Variants in FILIP1L observed in about 807,000 individuals in gnomAD.
FILIP1L encodes filamin A-interacting protein 1-like.
FILIP1L carries 55 observed loss-of-function variants against 96.6 expected under a neutral mutation model. That is an observed-to-expected ratio of 0.57 (90% CI 0.46 to 0.71). The LOEUF (loss-of-function observed/expected upper bound fraction) is 0.71. FILIP1L is among the 30% of genes least tolerant of loss of function. The pLI is 0.00. For missense variants in FILIP1L, 1,304 were observed against 1,321.2 expected (o/e 0.99, Z 0.20); for synonymous variants, 467 against 473.9 (o/e 0.99, Z 0.19).
intron 1 of FILIP1L, chr3:100,041,307 G>A (rs1274067791): frequency 6.6e-6 from 1 of 152,082 alleles, no homozygotes; most frequent in Admixed American, 6.6e-5. Flanking sequence ...GCAAAATTAT[G>A]ATGGAAACTC....
rs776850792 is a variant in FILIP1L at position 99,850,243 on chromosome 3, C to T, written c.1433G>A (p.Arg478Gln). Residue 478 changes from arginine to glutamine, a missense_variant, in exon 5 of 6, where the codon CGG (arginine) becomes CAG (glutamine). Arg to Gln is a conservative substitution (Grantham distance 43). Coordinates refer to ENST00000477258, the MANE Select transcript of FILIP1L (RefSeq NM_001387850.1). ...RIKELEAIES[R>Q]LEKTEFTLKE... Reference sequence around the variant, plus strand: ...TAGAGTGAATTCTGTCTTTTCTAGCCGACTTTCAATGGCTTCTAGCTCTTT... The same window carrying T: ...TAGAGTGAATTCTGTCTTTTCTAGCTGACTTTCAATGGCTTCTAGCTCTTT... The T allele has an allele frequency of 3.2e-5, 51 of 1,613,536 alleles. No homozygotes were observed. The highest frequency in any genetic ancestry group is 1.6e-4 in the Middle Eastern group (1 of 6,084).
At position 100,098,729 on chromosome 3, in the gene FILIP1L, G is replaced by A. The variant is rs74566331; in HGVS notation, c.-11+15324C>T. 4.4e-3 allele frequency among the ~76,000 whole-genome samples: 671 copies of A among 152,254 alleles called. 4 individuals are homozygous for A. The highest frequency in any genetic ancestry group is 6.5e-3 in the Non-Finnish European group (444 of 68,014). On this transcript the variant is annotated intron_variant, in intron 1 of 5. Coordinates refer to ENST00000477258, the MANE Select transcript of FILIP1L (RefSeq NM_001387850.1). ...CTGAAGAATGTTGAATGTCATTGCC[G>A]TATACAGAGGTGGAAACTCACCATG...
chr3:99,919,172 T>C (rs1345565607), intron 4 of FILIP1L, among the ~76,000 whole-genome samples: 1 of 152,168 alleles, frequency 6.6e-6, no homozygotes, highest in Non-Finnish European at 1.5e-5. Context: ...TATTGAATTC[T>C]CTAGTAAAAT....
chr3:99,870,848 C>A (rs1465119957), intron 4 of FILIP1L, among the ~76,000 whole-genome samples: 1 of 152,092 alleles, frequency 6.6e-6, no homozygotes. Flanking sequence ...CATTTGTGCC[C>A]CGTAAGTGCA....
chr3:99,952,615 A>G (rs1708209618), intron 1 of FILIP1L, among the ~76,000 whole-genome samples: 1 of 152,212 alleles, frequency 6.6e-6, no homozygotes, highest in African/African-American at 2.4e-5. Flanking sequence ...AGGCATAGAT[A>G]CACGGCTTTT....
chr3:99,985,424 T>A (rs1709309462), intron 1 of FILIP1L, among the ~76,000 whole-genome samples: 1 of 151,644 alleles, frequency 6.6e-6, no homozygotes, highest in Admixed American at 6.6e-5. Context: ...ACTGGGGAGG[T>A]TGAGGTGGGA....
chr3:100,006,813 A>G (rs1281328016), intron 1 of FILIP1L, among the ~76,000 whole-genome samples: 1 of 152,248 alleles, frequency 6.6e-6, no homozygotes, highest in Non-Finnish European at 1.5e-5. Context: ...AAAGTAAACA[A>G]GCATTCTTGA....
intron 1 of FILIP1L, among the ~76,000 whole-genome samples, chr3:100,076,985 T>A (rs569299229): frequency 2.9e-4 from 44 of 152,196 alleles, no homozygotes; most frequent in Non-Finnish European, 5.4e-4. Context: ...CTGTTCCACA[T>A]AAGAAATCAA....
chr3:99,928,676 G>A (rs950376422), intron 3 of FILIP1L, among the ~76,000 whole-genome samples: 4 of 152,186 alleles, frequency 2.6e-5, no homozygotes, highest in Admixed American at 1.3e-4. Context: ...GAGAGGTTAT[G>A]CCATTTGTAG....
intron 1 of FILIP1L, among the ~76,000 whole-genome samples, chr3:99,984,351 A>G (rs992965352): frequency 2.0e-5 from 3 of 152,160 alleles, no homozygotes; most frequent in South Asian, 2.1e-4. Context: ...CACATAATAT[A>G]TTTTTAGGAT....
chr3:100,033,205 A>G (rs2107266196), intron 1 of FILIP1L, among the ~76,000 whole-genome samples: 1 of 152,254 alleles, frequency 6.6e-6, no homozygotes, highest in Non-Finnish European at 1.5e-5. Flanking sequence ...AATCAAACTA[A>G]TTGTGCCTTG....
chr3:100,038,822 G>A (rs969634604), intron 1 of FILIP1L, among the ~76,000 whole-genome samples: 1 of 152,080 alleles, frequency 6.6e-6, no homozygotes, highest in African/African-American at 2.4e-5. Flanking sequence ...TACTGATACA[G>A]CAGGATCTCC....
At position 100,114,480 on chromosome 3, in the gene FILIP1L, C is replaced by T. The variant is rs1250869085; in HGVS notation, c.-438G>A. ...GCAGACAAGTAGAGGCAGGCACAGGCTCCGTGAGCACGTCTGTGTGTGTGT... is the reference window on the plus strand; with the variant it reads ...GCAGACAAGTAGAGGCAGGCACAGGTTCCGTGAGCACGTCTGTGTGTGTGT... On this transcript the variant is annotated 5_prime_UTR_variant, in exon 1 of 6. Coordinates refer to ENST00000477258, the MANE Select transcript of FILIP1L (RefSeq NM_001387850.1). The T allele has an allele frequency of 3.9e-5, 6 of 154,782 alleles. No individual in the cohort carries two copies. Among genetic ancestry groups the T allele is most frequent in the Admixed American group, 1.9e-4 (3 of 15,392 alleles). 9.6% of individuals were successfully genotyped at this position (154,782 alleles called of 1,614,324 possible).
intron 1 of FILIP1L, among the ~76,000 whole-genome samples, chr3:99,971,144 T>C (rs1708805425): frequency 1.3e-5 from 2 of 152,172 alleles, no homozygotes; most frequent in South Asian, 2.1e-4. Context: ...GAGACCATCC[T>C]GGCTAACATG....
intron 1 of FILIP1L, among the ~76,000 whole-genome samples, chr3:100,037,791 G>A (rs955254632): frequency 6.6e-6 from 1 of 152,132 alleles, no homozygotes; most frequent in African/African-American, 2.4e-5. Flanking sequence ...TGAGGAAAAT[G>A]ACAGTGATGA....
At chr3:99,864,823 A>G (rs1267616634) in intron 4 of FILIP1L, among the ~76,000 whole-genome samples, 4 of 152,014 alleles carry the variant, frequency 2.6e-5, no homozygotes, top group Non-Finnish European at 4.4e-5. Flanking sequence ...CATTAGTACC[A>G]TCTGGCATAC....
chr3:100,044,374 G>A, intron 1 of FILIP1L, among the ~76,000 whole-genome samples: 1 of 151,938 alleles, frequency 6.6e-6, no homozygotes, highest in East Asian at 1.9e-4. Context: ...TAACACAGGG[G>A]TAATCTGTCA....
intron 1 of FILIP1L, among the ~76,000 whole-genome samples, chr3:99,943,703 CA>C (rs1014184491): frequency 5.3e-4 from 74 of 139,778 alleles, no homozygotes; most frequent in Middle Eastern, 3.5e-3. Context: ...GACTCCGTCT[CA>C]AAAAAAAAAA....
intron 2 of FILIP1L, among the ~76,000 whole-genome samples, chr3:99,930,566 A>T (rs894271928): frequency 6.6e-6 from 1 of 152,178 alleles, no homozygotes; most frequent in East Asian, 1.9e-4. Context: ...TGCCAATCAC[A>T]TGTCATCATG....
Sources: gnomAD v4.1 joint callset for allele counts (sites outside exome capture counted in the v4.1 genomes callset) on GRCh38, gnomAD v4.1.1 for gene constraint, MANE v1.5 for transcripts, NCBI Gene and HGNC (gene_info 2026-07-23, HGNC 2026-07-21) for gene names.